The following DDX31 variants were observed in gnomAD, a reference collection of about 807,000 sequenced individuals.
DDX31 encodes DEAD-box helicase 31.
A neutral mutation model predicts 91.3 loss-of-function variants in DDX31; 70 were observed. The observed-to-expected ratio is 0.77, with a 90% CI of 0.63 to 0.94. The LOEUF (loss-of-function observed/expected upper bound fraction) is 0.94, where lower values mean the gene tolerates loss of function less well. Ranked by LOEUF, DDX31 falls within the 40% of genes least tolerant of loss-of-function variation. The probability of loss-of-function intolerance (pLI) is 0.00; values close to 1 mark genes in which losing one functional copy is unlikely to be tolerated. For missense variants in DDX31, 902 were observed against 925.0 expected (o/e 0.98, Z 0.32); for synonymous variants, 362 against 350.6 (o/e 1.03, Z -0.36).
At chr9:132,629,799 TG>T (rs1177538975) in intron 16 of DDX31, among the ~76,000 whole-genome samples, 1 of 152,050 alleles carries the variant, frequency 6.6e-6, no homozygotes, top group Non-Finnish European at 1.5e-5. Flanking sequence ...TGGCTGTGAG[TG>T]TAGTGTGGAT....
At chr9:132,656,481 T>G (rs1375577314) in intron 6 of DDX31, among the ~76,000 whole-genome samples, 2 of 152,222 alleles carry the variant, frequency 1.3e-5, no homozygotes. Flanking sequence ...GATGTCACCA[T>G]GCACTGCCCG....
intron 18 of DDX31, among the ~76,000 whole-genome samples, chr9:132,615,222 C>T (rs944915941): frequency 3.3e-5 from 5 of 152,166 alleles, no homozygotes; most frequent in Non-Finnish European, 5.9e-5. Flanking sequence ...ATGGACACAT[C>T]GTCCTTTTTC....
chr9:132,626,236 G>A (rs1017863789), intron 16 of DDX31, among the ~76,000 whole-genome samples: 4 of 152,030 alleles, frequency 2.6e-5, no homozygotes, highest in African/African-American at 9.7e-5. Context: ...CCCTGTCCCA[G>A]CAGCACTGGC....
At chr9:132,608,072 C>T (rs1831120461) in intron 19 of DDX31, among the ~76,000 whole-genome samples, 2 of 152,164 alleles carry the variant, frequency 1.3e-5, no homozygotes, top group African/African-American at 4.8e-5. Context: ...GGATATGTTA[C>T]CTTTGCTTCT....
chr9:132,603,032 C>T (rs1051901816), intron 19 of DDX31, among the ~76,000 whole-genome samples: 9 of 152,186 alleles, frequency 5.9e-5, no homozygotes, highest in South Asian at 2.1e-4. Flanking sequence ...GACCGGGCTC[C>T]GAGTTCTACA....
At chr9:132,647,135 G>A (rs1833893127) in intron 11 of DDX31, 77 bp from the exon 12 acceptor site, 1 of 1,319,572 alleles carries the variant, frequency 7.6e-7, no homozygotes, top group Admixed American at 1.8e-5. Flanking sequence ...CCCCCATACA[G>A]CACCCACCCA....
intron 18 of DDX31, among the ~76,000 whole-genome samples, chr9:132,617,508 T>C (rs1589995142): frequency 6.6e-6 from 1 of 152,158 alleles, no homozygotes; most frequent in Non-Finnish European, 1.5e-5. Flanking sequence ...ATTTGTCAAA[T>C]GAATGGTTTT....
chr9:132,620,135 C>T (rs1389822926), intron 17 of DDX31, among the ~76,000 whole-genome samples: 1 of 151,932 alleles, frequency 6.6e-6, no homozygotes, highest in African/African-American at 2.4e-5. Flanking sequence ...CAGCCCTCTC[C>T]GAATCCCTCT....
At chr9:132,646,214 A>G in intron 12 of DDX31, 143 bp from the exon 13 acceptor site, 1 of 878,218 alleles carries the variant, frequency 1.1e-6, no homozygotes. Flanking sequence ...AAAAAACAAA[A>G]ACAAAAACAG....
intron 4 of DDX31, 141 bp from the exon 5 acceptor site, chr9:132,659,921 A>C: frequency 2.8e-6 from 2 of 707,676 alleles, no homozygotes. Context: ...CATTCAAATA[A>C]AGGTGTGAAG....
At chr9:132,632,270 A>ACACACACACACACAGTCCTG (rs1564305915) in intron 14 of DDX31, among the ~76,000 whole-genome samples, 179 bp from the exon 15 acceptor site, 1 of 145,650 alleles carries the variant, frequency 6.9e-6, no homozygotes, top group Non-Finnish European at 1.5e-5. Flanking sequence ...ACACACACAC[A>ACACACACACACACAGTCCTG]CACACACACA....
rs200289752 is a variant in DDX31 at position 132,648,459 on chromosome 9, C to T, written c.833G>A (p.Arg278Gln). The change falls in exon 10 of 20, where the codon CGG (arginine) becomes CAG (glutamine). Residue 278 changes from arginine to glutamine, a missense_variant. Arg to Gln is a conservative substitution (Grantham distance 43). Coordinates refer to ENST00000372159, the MANE Select transcript of DDX31 (RefSeq NM_022779.9). ...GTCTGCTTCATCAAACACCAACCAC[C>T]GCAGCCGACTAAAATGAATGTTCTT... ...STKNIHFSRLRWLVFDEADRI... is the reference protein window; with the variant it reads ...STKNIHFSRLQWLVFDEADRI... 5.1e-5 allele frequency: 82 copies of T among 1,613,990 alleles called. No homozygotes were observed. The East Asian group carries it at 1.5e-3, about 29-fold the overall frequency.
intron 16 of DDX31, among the ~76,000 whole-genome samples, chr9:132,629,976 G>A (rs750741361): frequency 6.6e-6 from 1 of 152,216 alleles, no homozygotes; most frequent in African/African-American, 2.4e-5. Context: ...CAGAAGCTGC[G>A]AAGATGGTGC....
chr9:132,612,927 T>A (rs967185838), intron 18 of DDX31, among the ~76,000 whole-genome samples: 3 of 152,178 alleles, frequency 2.0e-5, no homozygotes, highest in Admixed American at 1.3e-4. Context: ...TAAAATTTTT[T>A]AAAGAGATGG....
intron 1 of DDX31, among the ~76,000 whole-genome samples, chr9:132,667,520 G>A (rs1367958787): frequency 6.6e-6 from 1 of 151,982 alleles, no homozygotes; most frequent in Non-Finnish European, 1.5e-5. Context: ...GGAGAATGGT[G>A]TGAACTCAGG....
At position 132,625,650 on chromosome 9, in the gene DDX31, A is replaced by G. The variant is rs998731252; in HGVS notation, c.1713+14T>C. On this transcript the variant is annotated intron_variant, in intron 17 of 19. Transcript: ENST00000372159. Reference sequence around the variant, plus strand: ...CATCTGTTGGCAGCGAGCACAATAAATAACAAAACTCACCTGGGCTCCCCA... The same window carrying G: ...CATCTGTTGGCAGCGAGCACAATAAGTAACAAAACTCACCTGGGCTCCCCA... 9 of 1,610,862 alleles carry G rather than the reference A, an allele frequency of 5.6e-6. No individual in the cohort carries two copies. Among genetic ancestry groups the G allele is most frequent in the Non-Finnish European group, 6.8e-6 (8 of 1,177,348 alleles).
intron 19 of DDX31, among the ~76,000 whole-genome samples, chr9:132,600,804 G>A (rs1830683519): frequency 6.6e-6 from 1 of 152,152 alleles, no homozygotes; most frequent in Non-Finnish European, 1.5e-5. Context: ...GACCTTGGTT[G>A]GAATCCCAGT....
intron 14 of DDX31, chr9:132,638,025 A>G (rs1833235849): frequency 3.5e-6 from 4 of 1,153,458 alleles, no homozygotes; most frequent in Non-Finnish European, 4.3e-6. Flanking sequence ...GCGGAAAAAA[A>G]TACGGAGAAG....
At chr9:132,611,181 G>C (rs1445033091) in intron 19 of DDX31, among the ~76,000 whole-genome samples, 1 of 152,188 alleles carries the variant, frequency 6.6e-6, no homozygotes, top group Non-Finnish European at 1.5e-5. Flanking sequence ...AATTAACGTG[G>C]AAAAGGGAGG....
Sources: allele counts gnomAD v4.1 joint callset (sites outside exome capture counted in the v4.1 genomes callset), GRCh38; gene constraint gnomAD v4.1.1; transcripts MANE v1.5; gene names NCBI Gene and HGNC (gene_info 2026-07-23, HGNC 2026-07-21).